OPCML: variants seen among roughly 807,000 people sequenced by gnomAD.
OPCML encodes opioid binding protein/cell adhesion molecule like.
A neutral mutation model predicts 37.8 loss-of-function variants in OPCML; 13 were observed. The observed-to-expected ratio is 0.34, with a 90% CI of 0.22 to 0.55. OPCML has a LOEUF of 0.55. OPCML is among the 20% of genes least tolerant of loss of function. The pLI, the probability that OPCML is intolerant of heterozygous loss-of-function variation, is 0.91. For missense variants in OPCML, 341 were observed against 435.6 expected (o/e 0.78, Z 1.93); for synonymous variants, 176 against 168.8 (o/e 1.04, Z -0.33).
At chr11:132,534,511 A>C (rs936204642) in intron 3 of OPCML, among the ~76,000 whole-genome samples, 6 of 152,314 alleles carry the variant, frequency 3.9e-5, no homozygotes, top group African/African-American at 1.4e-4. Context: ...CTTGAGCTGG[A>C]AAAGGCTTTC....
At position 132,590,818 on chromosome 11, in the gene OPCML, C is replaced by T. The variant is rs540284812; in HGVS notation, c.380-61632G>A. On this transcript the variant is annotated intron_variant, in intron 3 of 7. Transcript: ENST00000524381. ...ACATCCCTTTGTGTACTCTGCCTGCCGGGTGCCCTTTCGTCCTGGAGATTC... is the reference window on the plus strand; with the variant it reads ...ACATCCCTTTGTGTACTCTGCCTGCTGGGTGCCCTTTCGTCCTGGAGATTC... Among the ~76,000 whole-genome samples the T allele has an allele frequency of 2.6e-4, 39 of 152,264 alleles. 1 individual carries two copies. Among genetic ancestry groups the T allele is most frequent in the Middle Eastern group, 6.8e-3 (2 of 294 alleles).
intron 1 of OPCML, among the ~76,000 whole-genome samples, chr11:133,346,472 A>C (rs1268176522): frequency 6.6e-6 from 1 of 152,224 alleles, no homozygotes; most frequent in Non-Finnish European, 1.5e-5. Context: ...GGGACTACAG[A>C]AGAATAGAAA....
intron 1 of OPCML, among the ~76,000 whole-genome samples, chr11:133,172,451 G>A (rs1376166526): frequency 1.3e-5 from 2 of 152,178 alleles, no homozygotes; most frequent in African/African-American, 2.4e-5. Flanking sequence ...GTTAAAATAA[G>A]AGAAGACAGT....
At chr11:132,981,192 A>C (rs1423370125) in intron 1 of OPCML, among the ~76,000 whole-genome samples, 1 of 152,262 alleles carries the variant, frequency 6.6e-6, no homozygotes, top group Non-Finnish European at 1.5e-5. Context: ...AGTGCTAGGC[A>C]CCAGGCAGGA....
chr11:132,570,804 T>TGAGAGAGAGAGAGAGAGAGAGAGAG (rs1271040683), intron 3 of OPCML, among the ~76,000 whole-genome samples: 54 of 90,754 alleles, frequency 6.0e-4, no homozygotes, highest in African/African-American at 2.5e-3. Flanking sequence ...TATATATATT[T>TGAGAGAGAGAGAGAGAGAGAGAGAG]AGAGAGAGAG....
At chr11:132,430,607 C>T (rs2095993461) in intron 7 of OPCML, among the ~76,000 whole-genome samples, 1 of 152,212 alleles carries the variant, frequency 6.6e-6, no homozygotes, top group South Asian at 2.1e-4. Flanking sequence ...GTTGACTTAA[C>T]TGGAGCGTTT....
intron 1 of OPCML, among the ~76,000 whole-genome samples, chr11:133,256,652 G>T (rs1941319820): frequency 6.6e-6 from 1 of 152,138 alleles, no homozygotes; most frequent in African/African-American, 2.4e-5. Context: ...AGACTAAGAG[G>T]TTCTGTGTTC....
At chr11:132,456,078 C>CGA (rs1248931075) in intron 4 of OPCML, among the ~76,000 whole-genome samples, 3 of 152,168 alleles carry the variant, frequency 2.0e-5, no homozygotes, top group Non-Finnish European at 4.4e-5. Context: ...ATCTCATTCT[C>CGA]ACAGCTGTTC....
chr11:132,559,191 G>T lies in OPCML; in HGVS notation c.380-30005C>A, dbSNP rs562412628. ...GGAGGGGAAAGAGAGGGAGAGAGGA[G>T]CCAAAGGGAGGAAGGAGAACATGCA... On this transcript the variant is annotated intron_variant, in intron 3 of 7. Coordinates refer to ENST00000524381, the MANE Select transcript of OPCML (RefSeq NM_001012393.5). Among the ~76,000 whole-genome samples the T allele has an allele frequency of 2.0e-5, 3 of 152,080 alleles. No individual in the cohort carries two copies. In the South Asian group the frequency reaches 6.2e-4, roughly 32 times the overall value.
chr11:132,424,008 T>A (rs1313099994), intron 7 of OPCML, among the ~76,000 whole-genome samples: 1 of 152,194 alleles, frequency 6.6e-6, no homozygotes, highest in Non-Finnish European at 1.5e-5. Flanking sequence ...CCCAAGATGA[T>A]ACAATTTTGA....
At chr11:132,470,746 A>G (rs1565589921) in intron 4 of OPCML, among the ~76,000 whole-genome samples, 1 of 152,236 alleles carries the variant, frequency 6.6e-6, no homozygotes, top group Admixed American at 6.5e-5. Context: ...CCAGTTACCA[A>G]GTGACAGAGC....
intron 3 of OPCML, among the ~76,000 whole-genome samples, chr11:132,558,310 TCCCCC>T: frequency 5.0e-5 from 1 of 19,814 alleles, no homozygotes; most frequent in Non-Finnish European, 8.5e-5. Context: ...CCTCCTCCTC[TCCCCC>T]TCCTCCCCTC....
intron 1 of OPCML, chr11:133,067,854 T>G (rs1948463983): frequency 6.6e-6 from 1 of 152,130 alleles, no homozygotes; most frequent in African/African-American, 2.4e-5. Flanking sequence ...CTTTCAAAAT[T>G]ACCTCCGCTG....
chr11:133,357,220 G>A (rs1944308768), intron 1 of OPCML, among the ~76,000 whole-genome samples: 1 of 152,180 alleles, frequency 6.6e-6, no homozygotes, highest in African/African-American at 2.4e-5. Context: ...AGAGAGTATA[G>A]CCTAATAAGT....
chr11:132,760,526 T>C (rs976765880), intron 2 of OPCML, among the ~76,000 whole-genome samples: 1 of 152,096 alleles, frequency 6.6e-6, no homozygotes, highest in Non-Finnish European at 1.5e-5. Context: ...CTCTTCTTGT[T>C]GCATTGATTC....
intron 1 of OPCML, among the ~76,000 whole-genome samples, chr11:133,379,135 A>C (rs1264946922): frequency 6.6e-6 from 1 of 152,212 alleles, no homozygotes; most frequent in Non-Finnish European, 1.5e-5. Context: ...AGCAGAGACC[A>C]ATATCATAAC....
intron 1 of OPCML, among the ~76,000 whole-genome samples, chr11:133,329,680 A>T (rs1006773287): frequency 6.6e-6 from 1 of 152,224 alleles, no homozygotes; most frequent in Non-Finnish European, 1.5e-5. Flanking sequence ...CTTATACAAA[A>T]ATTAATTCAA....
At chr11:133,225,735 C>T (rs755211196) in intron 1 of OPCML, among the ~76,000 whole-genome samples, 8 of 152,168 alleles carry the variant, frequency 5.3e-5, no homozygotes, top group Non-Finnish European at 8.8e-5. Flanking sequence ...TTTGTGTTAC[C>T]TCTGTGAGGC....
chr11:132,521,942 G>T lies in OPCML; in HGVS notation c.505+7119C>A, dbSNP rs147275190. 2.6e-4 allele frequency among the ~76,000 whole-genome samples: 39 copies of T among 152,254 alleles called. No homozygotes were observed. In the East Asian group the frequency reaches 7.0e-3, roughly 27 times the overall value. On this transcript the variant is annotated intron_variant, in intron 4 of 7. Coordinates refer to ENST00000524381, the MANE Select transcript of OPCML (RefSeq NM_001012393.5). The stretch of plus-strand genomic sequence containing the variant: ...TAGGTACCATAACAATCAAGATACA[G>T]TACAGCTCCATCAACCCAAGGCAAC...
Sources: allele counts gnomAD v4.1 joint callset (sites outside exome capture counted in the v4.1 genomes callset), GRCh38; gene constraint gnomAD v4.1.1; transcripts MANE v1.5; gene names NCBI Gene and HGNC (gene_info 2026-07-23, HGNC 2026-07-21).